The following GRIA4 variants were observed in gnomAD, a reference collection of about 807,000 sequenced individuals.
The protein encoded by GRIA4 is glutamate receptor 4.
GRIA4 carries 34 observed loss-of-function variants against 104.0 expected under a neutral mutation model. The observed-to-expected ratio is 0.33, with a 90% CI of 0.25 to 0.44. GRIA4 has a LOEUF of 0.44. GRIA4 is among the 20% of genes least tolerant of loss of function. The pLI is 1.00. For synonymous variants in GRIA4, 386 were observed against 381.9 expected (o/e 1.01, Z -0.13); for missense variants, 750 against 1,096.5 (o/e 0.68, Z 4.46).
intron 4 of GRIA4, among the ~76,000 whole-genome samples, chr11:105,814,096 G>A (rs1246048601): frequency 1.3e-5 from 2 of 152,176 alleles, no homozygotes; most frequent in African/African-American, 4.8e-5. Context: ...GTTGCAAAAT[G>A]AGCAAGGAAG....
intron 4 of GRIA4, among the ~76,000 whole-genome samples, chr11:105,816,945 A>G (rs911494446): frequency 2.0e-5 from 3 of 152,158 alleles, no homozygotes; most frequent in Non-Finnish European, 2.9e-5. Context: ...GTTTGAGCCC[A>G]GGATTTCAAG....
intron 3 of GRIA4, among the ~76,000 whole-genome samples, chr11:105,632,269 T>A (rs906386554): frequency 3.9e-5 from 6 of 152,220 alleles, no homozygotes; most frequent in African/African-American, 1.4e-4. Context: ...TTTTGGGTTC[T>A]CTTCAGTCTA....
At chr11:105,943,527 G>A (rs1948232334) in intron 14 of GRIA4, among the ~76,000 whole-genome samples, 1 of 151,990 alleles carries the variant, frequency 6.6e-6, no homozygotes, top group South Asian at 2.1e-4. Flanking sequence ...ACTTGAGAAG[G>A]TGATTACTAA....
intron 4 of GRIA4, among the ~76,000 whole-genome samples, chr11:105,771,396 C>T (rs1240223662): frequency 1.3e-5 from 2 of 152,044 alleles, no homozygotes; most frequent in Non-Finnish European, 2.9e-5. Flanking sequence ...CCTTATTACT[C>T]AACTCTGCTC....
At chr11:105,826,945 T>G (rs1280236804) in intron 4 of GRIA4, among the ~76,000 whole-genome samples, 1 of 152,060 alleles carries the variant, frequency 6.6e-6, no homozygotes, top group Non-Finnish European at 1.5e-5. Flanking sequence ...GTGGAGAACC[T>G]TGTATAACCT....
At chr11:105,965,963 G>A (rs781302202) in intron 14 of GRIA4, 3 of 1,606,564 alleles carry the variant, frequency 1.9e-6, no homozygotes, top group African/African-American at 1.3e-5. Context: ...TGTTAACCTC[G>A]CAGTTTTAAA....
At chr11:105,879,609 C>A (rs1479966086) in intron 5 of GRIA4, among the ~76,000 whole-genome samples, 10 of 152,164 alleles carry the variant, frequency 6.6e-5, no homozygotes, top group Non-Finnish European at 1.5e-5. Flanking sequence ...TGATAATTCT[C>A]CACCTGTGTG....
chr11:105,924,381 G>A lies in GRIA4; in HGVS notation c.1477-18G>A. 6.4e-7 allele frequency: 1 copy of A among 1,550,998 alleles called. No individual in the cohort carries two copies. On this transcript the variant is annotated intron_variant, in intron 11 of 16. Transcript: ENST00000282499. The stretch of plus-strand genomic sequence containing the variant: ...AATTCATTAACCTATGTGTCTCCAT[G>A]TGTTTTTTCTCTTATAGAAAGCAGA...
chr11:105,967,808 T>C (rs896967309), intron 14 of GRIA4, among the ~76,000 whole-genome samples: 1 of 152,122 alleles, frequency 6.6e-6, no homozygotes, highest in Non-Finnish European at 1.5e-5. Flanking sequence ...GCATTTGTCA[T>C]ACAAGATGAT....
chr11:105,620,582 C>T (rs1350358291), intron 3 of GRIA4, among the ~76,000 whole-genome samples: 3 of 151,810 alleles, frequency 2.0e-5, no homozygotes, highest in African/African-American at 7.2e-5. Flanking sequence ...TCTGTCACAA[C>T]TTTTACTTAC....
At chr11:105,694,026 T>C (rs955058210) in intron 3 of GRIA4, among the ~76,000 whole-genome samples, 1 of 152,196 alleles carries the variant, frequency 6.6e-6, no homozygotes, top group Non-Finnish European at 1.5e-5. Context: ...ATTGGGGAAT[T>C]ACTTATTTTG....
chr11:105,914,557 A>G (rs985661904), intron 10 of GRIA4, among the ~76,000 whole-genome samples: 13 of 152,298 alleles, frequency 8.5e-5, no homozygotes, highest in African/African-American at 3.1e-4. Context: ...TAATTTACAT[A>G]AATACTTTCA....
At chr11:105,975,611 A>G (rs971558593) in intron 16 of GRIA4, among the ~76,000 whole-genome samples, 3 of 152,084 alleles carry the variant, frequency 2.0e-5, no homozygotes, top group Non-Finnish European at 2.9e-5. Flanking sequence ...TATAATAGCT[A>G]AGTGAATAGG....
chr11:105,808,373 G>A (rs1259856270), intron 4 of GRIA4, among the ~76,000 whole-genome samples: 1 of 152,106 alleles, frequency 6.6e-6, no homozygotes, highest in South Asian at 2.1e-4. Flanking sequence ...CTGGATCCAA[G>A]GTTGGAAGGC....
chr11:105,936,380 T>G (rs546091483), intron 14 of GRIA4, among the ~76,000 whole-genome samples: 28 of 152,206 alleles, frequency 1.8e-4, no homozygotes, highest in Non-Finnish European at 3.2e-4. Flanking sequence ...GAGACTTAAG[T>G]CTGTTTTCCA....
intron 3 of GRIA4, among the ~76,000 whole-genome samples, chr11:105,698,554 G>A (rs572334744): frequency 2.6e-5 from 4 of 152,262 alleles, no homozygotes; most frequent in East Asian, 3.9e-4. Context: ...AATGAGACAC[G>A]AAAGGAATCA....
intron 4 of GRIA4, among the ~76,000 whole-genome samples, chr11:105,775,583 T>C (rs1941413780): frequency 1.3e-5 from 2 of 152,032 alleles, no homozygotes; most frequent in African/African-American, 2.4e-5. Context: ...CATTTCACTA[T>C]ATATGACTGG....
intron 4 of GRIA4, among the ~76,000 whole-genome samples, chr11:105,784,654 A>G (rs1386614641): frequency 6.6e-6 from 1 of 152,144 alleles, no homozygotes; most frequent in African/African-American, 2.4e-5. Context: ...TTTCTACTTT[A>G]CCCTAATAAA....
In GRIA4 at chr11:105,610,130, C is replaced by G. The variant is rs1036938102; in HGVS notation, c.-389C>G. The G allele has an allele frequency of 2.0e-5, 3 of 152,646 alleles. No homozygotes were observed. In the South Asian group the frequency reaches 6.2e-4, roughly 32 times the overall value. The allele number at this position is 152,646 out of a possible 1,614,324, so 9.5% of individuals were successfully genotyped here. On this transcript the variant is annotated 5_prime_UTR_variant, in exon 1 of 17. Transcript: ENST00000282499. ...CCAGGACTGTAGGAGAGGGAGGCAG[C>G]CCGTCCTCCTCACGAACCTGCAAGG...
Sources: allele counts gnomAD v4.1 joint callset (sites outside exome capture counted in the v4.1 genomes callset), GRCh38; gene constraint gnomAD v4.1.1; transcripts MANE v1.5; gene names NCBI Gene and HGNC (gene_info 2026-07-23, HGNC 2026-07-21).